Variants in SHANK2 observed in about 807,000 individuals in gnomAD.
SHANK2 encodes SH3 and multiple ankyrin repeat domains 2.
In SHANK2, 43 loss-of-function variants were observed where a neutral mutation model predicts 133.7. The observed-to-expected ratio is 0.32, with a 90% CI of 0.25 to 0.41. The LOEUF (loss-of-function observed/expected upper bound fraction) is 0.41. Ranked by LOEUF, SHANK2 falls within the 10% of genes least tolerant of loss-of-function variation. The pLI is 1.00. For synonymous variants in SHANK2, 1,017 were observed against 952.8 expected (o/e 1.07, Z -1.24); for missense variants, 1,994 against 2,235.8 (o/e 0.89, Z 2.18).
intron 2 of SHANK2, among the ~76,000 whole-genome samples, chr11:71,194,753 A>G (rs1029569984): frequency 2.0e-5 from 3 of 152,246 alleles, no homozygotes; most frequent in Admixed American, 2.0e-4. Flanking sequence ...ACTTGACAGA[A>G]TAATTCAGGC....
intron 2 of SHANK2, among the ~76,000 whole-genome samples, chr11:71,194,218 G>A (rs1158027044): frequency 6.6e-6 from 1 of 152,162 alleles, no homozygotes; most frequent in African/African-American, 2.4e-5. Flanking sequence ...CCACATCTGG[G>A]GATGCTGGTC....
intron 4 of SHANK2, among the ~76,000 whole-genome samples, chr11:71,113,889 G>A (rs11820146): frequency 0.029 from 4,471 of 152,266 alleles, 205 homozygotes; most frequent in African/African-American, 0.098. Flanking sequence ...AAACAGCAGC[G>A]CCTCCTTTGA....
At chr11:71,099,940 TCAGGAGGCTGAAG>T (rs1951690470) in intron 6 of SHANK2, among the ~76,000 whole-genome samples, 1 of 151,592 alleles carries the variant, frequency 6.6e-6, no homozygotes, top group African/African-American at 2.4e-5. Context: ...TCCCAGCTAC[TCAGGAGGCTGAAG>T]CAGGAGGATC....
Position 70,519,404 on chromosome 11 carries a change from A to G in SHANK2, c.2062-16473T>C, listed in dbSNP as rs147435954. Among the ~76,000 whole-genome samples, 536 of 152,296 alleles carry G rather than the reference A, an allele frequency of 3.5e-3. 4 individuals are homozygous for G. The highest frequency in any genetic ancestry group is 3.4e-3 in the Non-Finnish European group (233 of 68,020). On this transcript the variant is annotated intron_variant, in intron 17 of 25. Coordinates refer to ENST00000601538, the MANE Select transcript of SHANK2 (RefSeq NM_012309.5). The stretch of plus-strand genomic sequence containing the variant: ...CATGGTGGCTCACGCCTGTAATCCC[A>G]GCACTTTGGGAAGCAGGTGGACCAT...
chr11:70,844,115 A>G (rs1295130396), intron 11 of SHANK2, among the ~76,000 whole-genome samples: 3 of 151,710 alleles, frequency 2.0e-5, no homozygotes, highest in South Asian at 2.1e-4. Context: ...ATCCACACAC[A>G]CCCAGCCCTC....
chr11:70,514,335 A>G (rs2059240397), intron 17 of SHANK2, among the ~76,000 whole-genome samples: 1 of 152,218 alleles, frequency 6.6e-6, no homozygotes, highest in Admixed American at 6.5e-5. Flanking sequence ...TAAAAAAATG[A>G]AAACCAGGTT....
chr11:71,154,455 G>T (rs1377835845), intron 2 of SHANK2, among the ~76,000 whole-genome samples: 1 of 152,226 alleles, frequency 6.6e-6, no homozygotes, highest in Non-Finnish European at 1.5e-5. Flanking sequence ...CAGCCGGGCA[G>T]AAGAGAGAAA....
intron 17 of SHANK2, among the ~76,000 whole-genome samples, chr11:70,588,173 C>T (rs994018356): frequency 1.3e-5 from 2 of 152,102 alleles, no homozygotes; most frequent in Non-Finnish European, 2.9e-5. Context: ...TGAGACACAA[C>T]AATATAGAAA....
intron 17 of SHANK2, among the ~76,000 whole-genome samples, chr11:70,636,806 ATG>A (rs782027775): frequency 1.3e-5 from 2 of 151,928 alleles, no homozygotes; most frequent in Non-Finnish European, 2.9e-5. Flanking sequence ...GTGTGTGAAC[ATG>A]TGTGTGGGCA....
In SHANK2 at chr11:70,569,212, C is replaced by T. The variant is rs1305704999; in HGVS notation, c.2062-66281G>A. Among the ~76,000 whole-genome samples, 5 of 152,170 alleles carry T rather than the reference C, an allele frequency of 3.3e-5. No individual in the cohort carries two copies. The highest frequency in any genetic ancestry group is 6.5e-5 in the Admixed American group (1 of 15,284). On this transcript the variant is annotated intron_variant, in intron 17 of 25. Transcript: ENST00000601538. This position sits in a 1 kb window ranked among gnomAD's most constrained non-coding sequence, Gnocchi z 5.1. ...GGGCCAATCGGACTGAGGACAGTCC[C>T]AAACCCCCGGGCCATCCCGAGCCTA...
At chr11:70,662,312 G>A in intron 15 of SHANK2, 1 of 168,172 alleles carries the variant, frequency 5.9e-6, no homozygotes, top group South Asian at 1.6e-4. Flanking sequence ...CGCCGGCGGT[G>A]TGCGGCAGGC....
At chr11:70,837,151 A>G (rs1186557026) in intron 11 of SHANK2, among the ~76,000 whole-genome samples, 2 of 152,180 alleles carry the variant, frequency 1.3e-5, no homozygotes, top group Non-Finnish European at 2.9e-5. Context: ...CCACCAGTCT[A>G]TGGTATTTTT....
At chr11:71,230,746 T>C (rs1180188233) in intron 1 of SHANK2, among the ~76,000 whole-genome samples, 1 of 152,036 alleles carries the variant, frequency 6.6e-6, no homozygotes, top group Non-Finnish European at 1.5e-5. Context: ...TAGAACTCAA[T>C]ACAGAGCCCA....
At chr11:70,757,757 A>G (rs1445595957) in intron 14 of SHANK2, among the ~76,000 whole-genome samples, 1 of 152,120 alleles carries the variant, frequency 6.6e-6, no homozygotes, top group African/African-American at 2.4e-5. Context: ...ATGACTCTAT[A>G]TCGAGTCCTG....
chr11:71,061,859 G>C (rs961788212), intron 9 of SHANK2, among the ~76,000 whole-genome samples: 1 of 151,696 alleles, frequency 6.6e-6, no homozygotes, highest in Admixed American at 6.6e-5. Flanking sequence ...CCCTTCCCCC[G>C]CTCTGCCCCA....
intron 14 of SHANK2, among the ~76,000 whole-genome samples, chr11:70,728,256 C>A (rs1475246371): frequency 6.6e-6 from 1 of 152,178 alleles, no homozygotes; most frequent in Non-Finnish European, 1.5e-5. Flanking sequence ...CCCACACCTC[C>A]CCAGATGCAG....
rs1952914413 is a variant in SHANK2 at position 71,156,802 on chromosome 11, CCAGA to C, written c.-12-9468_-12-9465del. On this transcript the variant is annotated intron_variant, in intron 2 of 25. Transcript: ENST00000601538. ...GCAGCATTTCCCAAGTGCACTTGCC[CCAGA>C]CATTCTTTTCCCCTGGGGCTCATAA... Among the ~76,000 whole-genome samples the C allele has an allele frequency of 1.3e-5, 2 of 152,142 alleles. 1 individual carries two copies. Among genetic ancestry groups the C allele is most frequent in the African/African-American group, 4.8e-5 (2 of 41,418 alleles).
At chr11:70,482,192 G>A (rs2058744002) in intron 25 of SHANK2, among the ~76,000 whole-genome samples, 1 of 152,264 alleles carries the variant, frequency 6.6e-6, no homozygotes, top group Non-Finnish European at 1.5e-5. Flanking sequence ...GTCCAACTCT[G>A]AGTGTAAAGT....
At chr11:70,742,054 A>G (rs1555034885) in intron 14 of SHANK2, among the ~76,000 whole-genome samples, 1 of 152,172 alleles carries the variant, frequency 6.6e-6, no homozygotes, top group Non-Finnish European at 1.5e-5. Flanking sequence ...AAATGGAGTA[A>G]TGAAAACCAC....
Sources: gnomAD v4.1 joint callset for allele counts (sites outside exome capture counted in the v4.1 genomes callset) on GRCh38, gnomAD v4.1.1 for gene constraint, Gnocchi (gnomAD v3.1) non-coding constraint, MANE v1.5 for transcripts, NCBI Gene and HGNC (gene_info 2026-07-23, HGNC 2026-07-21) for gene names.